ASTN2: variants seen among roughly 807,000 people sequenced by gnomAD.
ASTN2 encodes the protein astrotactin-2.
Under a neutral mutation model 139.8 loss-of-function variants are expected in ASTN2, and 54 were observed. The ratio of observed to expected loss-of-function variants is 0.39; its 90% confidence interval spans 0.31 to 0.48. The LOEUF (loss-of-function observed/expected upper bound fraction) is 0.48, where lower values mean the gene tolerates loss of function less well. ASTN2 is among the 20% of genes least tolerant of loss of function. ASTN2 has a pLI of 0.95. For synonymous variants in ASTN2, 756 were observed against 719.5 expected (o/e 1.05, Z -0.81); for missense variants, 1,565 against 1,725.1 (o/e 0.91, Z 1.64).
At chr9:116,844,607 A>C (rs1004680179) in intron 11 of ASTN2, among the ~76,000 whole-genome samples, 4 of 152,336 alleles carry the variant, frequency 2.6e-5, no homozygotes, top group Admixed American at 6.5e-5. Flanking sequence ...AGGAAAAAAA[A>C]AAAAACAAAA....
intron 16 of ASTN2, among the ~76,000 whole-genome samples, chr9:116,712,335 T>C (rs1317693069): frequency 6.6e-6 from 1 of 152,216 alleles, no homozygotes; most frequent in Non-Finnish European, 1.5e-5. Flanking sequence ...TATTTCTCCC[T>C]CTAGCATTTA....
At chr9:116,888,481 T>C (rs2132384028) in intron 10 of ASTN2, among the ~76,000 whole-genome samples, 1 of 152,294 alleles carries the variant, frequency 6.6e-6, no homozygotes, top group South Asian at 2.1e-4. Context: ...TCACTCTTGC[T>C]CTAAAAGTGA....
At chr9:117,363,846 C>T (rs565960192) in intron 1 of ASTN2, among the ~76,000 whole-genome samples, 5 of 152,288 alleles carry the variant, frequency 3.3e-5, no homozygotes, top group Admixed American at 6.5e-5. Context: ...AGTCATGCCT[C>T]AGCCACCGGC....
At chr9:116,831,032 G>A (rs7864552) in intron 11 of ASTN2, among the ~76,000 whole-genome samples, 8,654 of 150,946 alleles carry the variant, frequency 0.057, 458 homozygotes, top group African/African-American at 0.14. Flanking sequence ...ATGAAATCAT[G>A]TCTTTTGCAG....
At chr9:117,383,071 A>G (rs1587999383) in intron 1 of ASTN2, among the ~76,000 whole-genome samples, 1 of 152,354 alleles carries the variant, frequency 6.6e-6, no homozygotes, top group East Asian at 1.9e-4. Flanking sequence ...CAATACGTAA[A>G]CAAATAAGCG....
At chr9:116,947,753 C>T (rs10983427) in intron 10 of ASTN2, among the ~76,000 whole-genome samples, 32,813 of 152,144 alleles carry the variant, frequency 0.22, 3,661 homozygotes, top group Admixed American at 0.29. Context: ...TATTTTCTAC[C>T]AACAAAACAG....
At chr9:116,982,304 G>A (rs1458477602) in intron 7 of ASTN2, among the ~76,000 whole-genome samples, 1 of 152,180 alleles carries the variant, frequency 6.6e-6, no homozygotes, top group African/African-American at 2.4e-5. Context: ...GACACCATAT[G>A]CCTGTGGGAA....
At chr9:117,032,980 T>C (rs1838288545) in intron 6 of ASTN2, among the ~76,000 whole-genome samples, 1 of 152,188 alleles carries the variant, frequency 6.6e-6, no homozygotes, top group African/African-American at 2.4e-5. Flanking sequence ...GGTATTTTGA[T>C]GCAACAATCA....
intron 17 of ASTN2, among the ~76,000 whole-genome samples, chr9:116,636,589 G>A (rs901130701): frequency 6.6e-6 from 1 of 152,052 alleles, no homozygotes; most frequent in African/African-American, 2.4e-5. Flanking sequence ...GGCTGAGGCA[G>A]GAAAATCGTT....
At chr9:116,621,880 T>G (rs927717649) in intron 17 of ASTN2, among the ~76,000 whole-genome samples, 1 of 152,230 alleles carries the variant, frequency 6.6e-6, no homozygotes, top group Non-Finnish European at 1.5e-5. Flanking sequence ...TGGGCTCTGA[T>G]GTAGAAGATA....
chr9:116,764,211 G>A (rs1829747045), intron 13 of ASTN2, among the ~76,000 whole-genome samples: 1 of 152,194 alleles, frequency 6.6e-6, no homozygotes, highest in East Asian at 1.9e-4. Flanking sequence ...TGTGTCGCTA[G>A]CATGCAGTCT....
chr9:117,209,643 T>A (rs1832054236), intron 3 of ASTN2, among the ~76,000 whole-genome samples: 1 of 152,060 alleles, frequency 6.6e-6, no homozygotes, highest in South Asian at 2.1e-4. Flanking sequence ...ATTGGACAGA[T>A]CATCTAGACA....
intron 16 of ASTN2, among the ~76,000 whole-genome samples, chr9:116,678,933 G>A (rs1480267628): frequency 6.6e-6 from 1 of 152,134 alleles, no homozygotes; most frequent in Non-Finnish European, 1.5e-5. Context: ...ATGCAAACAT[G>A]AAATTTGGTT....
At chr9:116,458,041 T>C (rs891375507) in intron 20 of ASTN2, among the ~76,000 whole-genome samples, 9 of 151,884 alleles carry the variant, frequency 5.9e-5, no homozygotes, top group African/African-American at 1.9e-4. Context: ...GATCTTACCA[T>C]TAGAAACAAC....
At chr9:117,144,626 T>A (rs1430263244) in intron 3 of ASTN2, among the ~76,000 whole-genome samples, 2 of 146,288 alleles carry the variant, frequency 1.4e-5, no homozygotes, top group African/African-American at 5.1e-5. Context: ...GGAGGAACAC[T>A]GTAAGAGATG....
intron 7 of ASTN2, among the ~76,000 whole-genome samples, chr9:116,995,485 T>C (rs577026326): frequency 1.3e-5 from 2 of 152,334 alleles, no homozygotes; most frequent in Admixed American, 1.3e-4. Flanking sequence ...ATCAACAGTG[T>C]GTTAGACAAT....
rs73657627 is a variant in ASTN2, at chr9:117,042,292, T to C, written c.1277-2327A>G. On this transcript the variant is annotated intron_variant, in intron 5 of 22. Coordinates refer to ENST00000313400, the MANE Select transcript of ASTN2 (RefSeq NM_001365068.1). ...GAAATCTATTTTTCTTAATAAACAG[T>C]GACCTGCTTGAAGGAGAAGATCCCA... Among the ~76,000 whole-genome samples the C allele has an allele frequency of 8.9e-3, 1,362 of 152,258 alleles. 12 individuals are homozygous for C. The highest frequency in any genetic ancestry group is 0.039 in the South Asian group (189 of 4,820).
chr9:117,111,787 C>A (rs917097013), intron 4 of ASTN2, among the ~76,000 whole-genome samples: 5 of 151,726 alleles, frequency 3.3e-5, no homozygotes, highest in African/African-American at 4.8e-5. Context: ...ATATAGACAC[C>A]CTTGCTTTAG....
chr9:117,198,096 A>G (rs1831569189), intron 3 of ASTN2, among the ~76,000 whole-genome samples: 1 of 152,044 alleles, frequency 6.6e-6, no homozygotes, highest in Non-Finnish European at 1.5e-5. Flanking sequence ...ACATACACAG[A>G]ATGTGCAGGT....
Sources: gnomAD v4.1 joint callset for allele counts (sites outside exome capture counted in the v4.1 genomes callset) on GRCh38, gnomAD v4.1.1 for gene constraint, MANE v1.5 for transcripts, NCBI Gene and HGNC (gene_info 2026-07-23, HGNC 2026-07-21) for gene names.